The following ZNF407 variants were observed in gnomAD, a reference collection of about 807,000 sequenced individuals.
ZNF407 encodes the protein zinc finger protein 407.
In ZNF407, 17 loss-of-function variants were observed where a neutral mutation model predicts 131.2. That is an observed-to-expected ratio of 0.13 (90% CI 0.09 to 0.19). The LOEUF is 0.19. ZNF407 is among the 10% of genes least tolerant of loss of function. The pLI is 1.00. For synonymous variants in ZNF407, 1,156 were observed against 1,062.0 expected (o/e 1.09, Z -1.72); for missense variants, 2,681 against 2,830.6 (o/e 0.95, Z 1.20).
chr18:74,749,352 A>G (rs991793808), intron 3 of ZNF407, among the ~76,000 whole-genome samples: 4 of 152,012 alleles, frequency 2.6e-5, no homozygotes, highest in Non-Finnish European at 4.4e-5. Flanking sequence ...TTGCTGGAAA[A>G]CACTACTTCA....
chr18:75,044,794 T>C (rs1973413741), intron 8 of ZNF407, among the ~76,000 whole-genome samples: 1 of 152,212 alleles, frequency 6.6e-6, no homozygotes, highest in African/African-American at 2.4e-5. Context: ...ATTATTTTTA[T>C]GTGTGTTGCT....
chr18:74,951,540 CTGCTT>C (rs1972214513), intron 8 of ZNF407, among the ~76,000 whole-genome samples: 3 of 152,214 alleles, frequency 2.0e-5, no homozygotes, highest in African/African-American at 7.2e-5. Context: ...CTTTGACACA[CTGCTT>C]TGCTGCTGCT....
chr18:74,763,439 C>T (rs12605214), intron 3 of ZNF407, among the ~76,000 whole-genome samples: 117,696 of 151,022 alleles, frequency 0.78, 49,705 homozygotes, highest in Non-Finnish European at 0.93. Flanking sequence ...CCATGTAGTC[C>T]AATTTATACA....
At chr18:74,766,479 T>A (rs540421998) in intron 3 of ZNF407, among the ~76,000 whole-genome samples, 12 of 152,272 alleles carry the variant, frequency 7.9e-5, no homozygotes, top group Non-Finnish European at 1.8e-4. Flanking sequence ...GCCTGCGCGC[T>A]ATGGTTTCAC....
chr18:74,777,899 T>C (rs1277934520), intron 3 of ZNF407, among the ~76,000 whole-genome samples: 2 of 152,030 alleles, frequency 1.3e-5, no homozygotes, highest in Non-Finnish European at 2.9e-5. Context: ...TTGGGCAACA[T>C]AGTGAGACCC....
At chr18:74,917,386 A>G (rs1971787327) in intron 7 of ZNF407, among the ~76,000 whole-genome samples, 1 of 152,232 alleles carries the variant, frequency 6.6e-6, no homozygotes. Context: ...CATCCTGTAT[A>G]CAAACATATG....
intron 3 of ZNF407, among the ~76,000 whole-genome samples, chr18:74,680,040 T>C (rs1192868377): frequency 6.6e-6 from 1 of 152,200 alleles, no homozygotes; most frequent in African/African-American, 2.4e-5. Flanking sequence ...TGATAAAGCT[T>C]TTCAGACAAA....
At chr18:74,910,248 CAT>C (rs910767023) in intron 7 of ZNF407, among the ~76,000 whole-genome samples, 2 of 152,100 alleles carry the variant, frequency 1.3e-5, no homozygotes, top group African/African-American at 4.8e-5. Flanking sequence ...AGTTTATAAA[CAT>C]GAGTTGTAAA....
chr18:74,854,891 G>C (rs1970838085), intron 4 of ZNF407, among the ~76,000 whole-genome samples: 1 of 152,008 alleles, frequency 6.6e-6, no homozygotes. Flanking sequence ...CCAGATTTCT[G>C]TTTCTCATAT....
intron 1 of ZNF407, among the ~76,000 whole-genome samples, chr18:74,613,726 C>A (rs1983163727): frequency 6.6e-6 from 1 of 152,196 alleles, no homozygotes; most frequent in South Asian, 2.1e-4. Flanking sequence ...AATTTTAATT[C>A]TCAGTGCTTT....
chr18:74,767,649 CTTTTT>C (rs71905017), intron 3 of ZNF407, among the ~76,000 whole-genome samples: 24 of 84,416 alleles, frequency 2.8e-4, no homozygotes, highest in African/African-American at 9.3e-4. Context: ...TCTGAATTCT[CTTTTT>C]TTTTTTTTTT....
chr18:74,655,915 G>A (rs1267579711), intron 3 of ZNF407, among the ~76,000 whole-genome samples: 4 of 152,032 alleles, frequency 2.6e-5, no homozygotes, highest in South Asian at 2.1e-4. Context: ...AATTTATATG[G>A]CTGGCTACAA....
intron 6 of ZNF407, 57 bp downstream of exon 6, chr18:74,881,176 A>C (rs1191190453): frequency 6.9e-7 from 1 of 1,448,742 alleles, no homozygotes; most frequent in East Asian, 2.5e-5. Context: ...AAGACACCCC[A>C]GCCTCAATTC....
At position 75,004,389 on chromosome 18, in the gene ZNF407, G is replaced by A. The variant is rs1027495846; in HGVS notation, c.5429-58761G>A. Among the ~76,000 whole-genome samples, 4 of 152,110 alleles carry A rather than the reference G, an allele frequency of 2.6e-5. No homozygotes were observed. The South Asian group carries it at 8.3e-4, about 32-fold the overall frequency. ...AATTGTCGCAAGGGTCATTTACCACGTCTCTGATTCTCAGTGAGCAGGTGA... is the reference window on the plus strand; with the variant it reads ...AATTGTCGCAAGGGTCATTTACCACATCTCTGATTCTCAGTGAGCAGGTGA... On this transcript the variant is annotated intron_variant, in intron 8 of 8. Coordinates refer to ENST00000299687, the MANE Select transcript of ZNF407 (RefSeq NM_017757.3).
At chr18:74,620,754 A>G (rs1983478232) in intron 1 of ZNF407, among the ~76,000 whole-genome samples, 1 of 152,148 alleles carries the variant, frequency 6.6e-6, no homozygotes, top group South Asian at 2.1e-4. Context: ...TCCGATGACC[A>G]GAGGCCCCTA....
chr18:74,853,571 A>T (rs1025614055), intron 4 of ZNF407, among the ~76,000 whole-genome samples: 2 of 152,322 alleles, frequency 1.3e-5, no homozygotes, highest in South Asian at 2.1e-4. Flanking sequence ...AGAATTTAAT[A>T]TGCCTGTGAT....
At chr18:74,890,798 G>A (rs1431974256) in intron 7 of ZNF407, among the ~76,000 whole-genome samples, 3 of 152,172 alleles carry the variant, frequency 2.0e-5, no homozygotes, top group Admixed American at 1.3e-4. Flanking sequence ...GTTGAGCCCA[G>A]GTGAAGTCCT....
In ZNF407 at chr18:74,693,706, C is replaced by G. The variant is rs547154779; in HGVS notation, c.4802+52584C>G. Among the ~76,000 whole-genome samples the G allele has an allele frequency of 3.5e-3, 531 of 152,180 alleles. 3 individuals carry two copies. Among genetic ancestry groups the G allele is most frequent in the South Asian group, 8.1e-3 (39 of 4,822 alleles). Reference sequence around the variant, plus strand: ...TCGAAGTACCTTGGTTTGCTTTCTTCTGTGTTCATCGTGCTTGAGGTTTGT... The same window carrying G: ...TCGAAGTACCTTGGTTTGCTTTCTTGTGTGTTCATCGTGCTTGAGGTTTGT... On this transcript the variant is annotated intron_variant, in intron 3 of 8. Transcript: ENST00000299687.
intron 6 of ZNF407, among the ~76,000 whole-genome samples, chr18:74,888,162 G>C (rs1971336418): frequency 6.6e-6 from 1 of 152,038 alleles, no homozygotes; most frequent in Non-Finnish European, 1.5e-5. Context: ...TAGAGTTATT[G>C]AACATATGTA....
Sources: allele counts gnomAD v4.1 joint callset (sites outside exome capture counted in the v4.1 genomes callset), GRCh38; gene constraint gnomAD v4.1.1; transcripts MANE v1.5; gene names NCBI Gene and HGNC (gene_info 2026-07-23, HGNC 2026-07-21).